The following SPRY3 variants were observed in gnomAD, a reference collection of about 807,000 sequenced individuals.
The protein encoded by SPRY3 is sprouty RTK signaling antagonist 3.
Under a neutral mutation model 20.2 loss-of-function variants are expected in SPRY3, and 15 were observed. The ratio of observed to expected loss-of-function variants is 0.74; its 90% CI spans 0.50 to 1.14. The LOEUF (loss-of-function observed/expected upper bound fraction) is 1.14. Among genes scored for constraint, SPRY3 ranks in the 50% most tolerant of loss-of-function variants. The pLI is 0.00. For missense variants in SPRY3, 364 were observed against 363.9 expected (o/e 1.00, Z 0.00); for synonymous variants, 143 against 136.5 (o/e 1.05, Z -0.33).
intron 2 of SPRY3, among the ~76,000 whole-genome samples, chrX:155,664,498 A>C (rs186491239): frequency 4.6e-5 from 5 of 109,554 alleles, no homozygotes; most frequent in African/African-American, 1.7e-4. Context: ...AAAGTGTAAT[A>C]TTATAGCATA....
At position 155,626,809 on chromosome X, in the gene SPRY3, C is replaced by T. The variant is rs961399770; in HGVS notation, c.-441+14162C>T. On this transcript the variant is annotated intron_variant, in intron 1 of 3. Transcript: ENST00000675360. ...CTGTTTTTTTAGCCAAAAATTACCACGTAAGTAAGTGTTCCCTCAGTTCAA... is the reference window on the plus strand; with the variant it reads ...CTGTTTTTTTAGCCAAAAATTACCATGTAAGTAAGTGTTCCCTCAGTTCAA... Among the ~76,000 whole-genome samples, 8 of 111,256 alleles carry T rather than the reference C, an allele frequency of 7.2e-5. No individual in the cohort carries two copies. The East Asian group carries it at 2.0e-3, about 28-fold the overall frequency.
intron 2 of SPRY3, among the ~76,000 whole-genome samples, chrX:155,706,588 C>A (rs1229339381): frequency 6.7e-6 from 1 of 149,182 alleles, no homozygotes; most frequent in Admixed American, 6.7e-5. Flanking sequence ...AATTGATAGA[C>A]CTTTAGCCAG....
chrX:155,711,927 T>G (rs1167769550), intron 2 of SPRY3, among the ~76,000 whole-genome samples: 1 of 151,684 alleles, frequency 6.6e-6, no homozygotes, highest in Non-Finnish European at 1.5e-5. Flanking sequence ...TTCAAAAACT[T>G]TTTGAATTTT....
At chrX:155,697,482 A>G (rs1224046462) in intron 2 of SPRY3, among the ~76,000 whole-genome samples, 1 of 101,139 alleles carries the variant, frequency 9.9e-6, no homozygotes, top group African/African-American at 3.9e-5. Context: ...CAATTAGCCA[A>G]TTTTTTTATT....
intron 2 of SPRY3, among the ~76,000 whole-genome samples, chrX:155,712,127 T>C (rs1228939384): frequency 6.6e-6 from 1 of 151,966 alleles, no homozygotes; most frequent in Non-Finnish European, 1.5e-5. Context: ...TCTATCATTG[T>C]GAATGATTTA....
At chrX:155,724,053 A>G (rs2091081339) in intron 2 of SPRY3, among the ~76,000 whole-genome samples, 1 of 152,090 alleles carries the variant, frequency 6.6e-6, no homozygotes, top group Admixed American at 6.6e-5. Flanking sequence ...TCCTTTCCCC[A>G]TTTCTTGTTT....
chrX:155,762,600 A>T (rs1164310244), intron 2 of SPRY3, among the ~76,000 whole-genome samples: 2 of 152,160 alleles, frequency 1.3e-5, no homozygotes, highest in Non-Finnish European at 2.9e-5. Flanking sequence ...CTCAAATAAA[A>T]GAGAAATCAG....
chrX:155,744,883 C>T (rs1412393731), intron 2 of SPRY3, among the ~76,000 whole-genome samples: 1 of 151,914 alleles, frequency 6.6e-6, no homozygotes, highest in Non-Finnish European at 1.5e-5. Flanking sequence ...TTGGATTGGG[C>T]TTCAGGGGTT....
chrX:155,662,081 G>A (rs1358347727), intron 2 of SPRY3, among the ~76,000 whole-genome samples: 3 of 112,039 alleles, frequency 2.7e-5, no homozygotes, highest in Non-Finnish European at 3.8e-5. Flanking sequence ...TAGAGAGCTA[G>A]TGTGATTCTT....
chrX:155,730,199 G>T (rs1329787934), intron 2 of SPRY3, among the ~76,000 whole-genome samples: 1 of 152,032 alleles, frequency 6.6e-6, no homozygotes, highest in Non-Finnish European at 1.5e-5. Flanking sequence ...GAGCCATATT[G>T]CTCTGATACC....
chrX:155,705,325 G>T (rs646309), intron 2 of SPRY3, among the ~76,000 whole-genome samples: 1 of 151,044 alleles, frequency 6.6e-6, no homozygotes, highest in Non-Finnish European at 1.5e-5. Flanking sequence ...GTGATTTTTT[G>T]AATGTGTATC....
intron 2 of SPRY3, among the ~76,000 whole-genome samples, chrX:155,660,287 T>A (rs1343721092): frequency 2.7e-5 from 3 of 112,283 alleles, no homozygotes; most frequent in Non-Finnish European, 5.6e-5. Flanking sequence ...ACCCACAGAT[T>A]ATTCAGGAGC....
intron 2 of SPRY3, among the ~76,000 whole-genome samples, chrX:155,752,191 G>T (rs2091266963): frequency 6.6e-6 from 1 of 151,432 alleles, no homozygotes; most frequent in African/African-American, 2.4e-5. Context: ...CAGGCACCTT[G>T]GTGTAGCACA....
intron 2 of SPRY3, among the ~76,000 whole-genome samples, chrX:155,699,187 T>G (rs2068128220): frequency 8.9e-6 from 1 of 112,164 alleles, no homozygotes; most frequent in African/African-American, 3.2e-5. Flanking sequence ...GAAAAACTTC[T>G]AGAACTCATA....
intron 2 of SPRY3, among the ~76,000 whole-genome samples, chrX:155,672,456 A>G (rs1206932249): frequency 8.9e-6 from 1 of 111,897 alleles, no homozygotes; most frequent in African/African-American, 3.3e-5. Context: ...CAAAAGACAC[A>G]TGAAAAAATG....
intron 2 of SPRY3, among the ~76,000 whole-genome samples, chrX:155,714,795 A>T (rs1436015046): frequency 1.3e-5 from 2 of 152,040 alleles, no homozygotes; most frequent in East Asian, 3.9e-4. Flanking sequence ...ACCACAATAC[A>T]AAGTACTTCC....
At chrX:155,771,031 A>G (rs1399299662) in intron 3 of SPRY3, among the ~76,000 whole-genome samples, 1 of 152,152 alleles carries the variant, frequency 6.6e-6, no homozygotes, top group African/African-American at 2.4e-5. Context: ...AAAAGATTCT[A>G]CAGAGCAGGA....
chrX:155,707,799 T>G (rs900299148), intron 2 of SPRY3, among the ~76,000 whole-genome samples: 1 of 151,268 alleles, frequency 6.6e-6, no homozygotes, highest in African/African-American at 2.4e-5. Flanking sequence ...TCAAACTCCT[T>G]GTATCTTTAA....
At chrX:155,754,015 C>T (rs1340565307) in intron 2 of SPRY3, among the ~76,000 whole-genome samples, 2 of 151,814 alleles carry the variant, frequency 1.3e-5, no homozygotes, top group East Asian at 1.9e-4. Context: ...GACTGGTAAA[C>T]ATTTTCTCCT....
Sources: gnomAD v4.1 joint callset for allele counts (sites outside exome capture counted in the v4.1 genomes callset) on GRCh38, gnomAD v4.1.1 for gene constraint, MANE v1.5 for transcripts, NCBI Gene and HGNC (gene_info 2026-07-23, HGNC 2026-07-21) for gene names.